Variants in RMST observed in about 807,000 individuals in gnomAD.
The protein encoded by RMST is long intergenic non-protein coding RNA 54.
At chr12:97,540,084 T>C (rs1277698082) in intron 11 of RMST, among the ~76,000 whole-genome samples, 1 of 151,728 alleles carries the variant, frequency 6.6e-6, no homozygotes, top group Non-Finnish European at 1.5e-5. Context: ...CTGCTTGGCG[T>C]ATCCTGATTT....
chr12:97,497,060 G>A (rs568236255), intron 10 of RMST, among the ~76,000 whole-genome samples: 7 of 152,158 alleles, frequency 4.6e-5, no homozygotes, highest in African/African-American at 1.2e-4. Flanking sequence ...TCTTTCCCTG[G>A]AGTCTGCACA....
intron 10 of RMST, among the ~76,000 whole-genome samples, chr12:97,499,038 G>A (rs1877774957): frequency 6.6e-6 from 1 of 152,142 alleles, no homozygotes; most frequent in Admixed American, 6.5e-5. Context: ...TGCCCGCTGG[G>A]GCTGTCTATG....
chr12:97,551,849 A>T (rs1160776678), intron 11 of RMST: 2 of 152,170 alleles, frequency 1.3e-5, no homozygotes, highest in Non-Finnish European at 2.9e-5. Context: ...TATGCTCTGG[A>T]GAGTCCTGTA....
At chr12:97,549,734 G>A (rs1051778464) in intron 11 of RMST, among the ~76,000 whole-genome samples, 2 of 152,268 alleles carry the variant, frequency 1.3e-5, no homozygotes, top group African/African-American at 4.8e-5. Context: ...TTTTTCCCCT[G>A]TTCCAATGTC....
intron 10 of RMST, among the ~76,000 whole-genome samples, chr12:97,526,188 C>T (rs1306695486): frequency 2.6e-5 from 4 of 152,040 alleles, no homozygotes; most frequent in Non-Finnish European, 5.9e-5. Context: ...AACCATCCCC[C>T]ACCCCACTTC....
chr12:97,540,214 G>T (rs1467119990), intron 11 of RMST, among the ~76,000 whole-genome samples: 1 of 151,494 alleles, frequency 6.6e-6, no homozygotes, highest in East Asian at 1.9e-4. Flanking sequence ...CACACAGTAG[G>T]GACACTTGAA....
chr12:97,546,514 G>T (rs1592781748), intron 11 of RMST, among the ~76,000 whole-genome samples: 1 of 150,568 alleles, frequency 6.6e-6, no homozygotes, highest in Non-Finnish European at 1.5e-5. Flanking sequence ...CCTGGAAGGT[G>T]GAGGTTGCAG....
Position 97,557,298 on chromosome 12 carries a change from G to C in RMST, n.1546-3239G>C, listed in dbSNP as rs1347200592. ...TCAGGTGCAGTAATTAAAGCTGTCTGTTTCTTGAGTGGAGTTGCAGTACAC... is the reference window on the plus strand; with the variant it reads ...TCAGGTGCAGTAATTAAAGCTGTCTCTTTCTTGAGTGGAGTTGCAGTACAC... On this transcript the variant is annotated intron_variant and non_coding_transcript_variant, in intron 11 of 13. Transcript: ENST00000640149. Among the ~76,000 whole-genome samples, 3 of 152,154 alleles carry C rather than the reference G, an allele frequency of 2.0e-5. No individual in the cohort carries two copies. The South Asian group carries it at 6.2e-4, about 32-fold the overall frequency.
intron 5 of RMST, among the ~76,000 whole-genome samples, chr12:97,476,767 T>C (rs1442317491): frequency 6.6e-6 from 1 of 152,172 alleles, no homozygotes. Flanking sequence ...AGCTATATAA[T>C]ACCTGCACTT....
intron 4 of RMST, chr12:97,464,920 A>T (rs1335575479): frequency 1.3e-5 from 2 of 152,214 alleles, no homozygotes; most frequent in Non-Finnish European, 2.9e-5. Context: ...ATGGTATGGA[A>T]CAAGGCAGCC....
At chr12:97,516,096 C>T (rs1169438948) in intron 10 of RMST, among the ~76,000 whole-genome samples, 5 of 151,986 alleles carry the variant, frequency 3.3e-5, no homozygotes, top group Non-Finnish European at 7.4e-5. Flanking sequence ...TATGATGAAT[C>T]TCCAGTTTTT....
intron 5 of RMST, among the ~76,000 whole-genome samples, chr12:97,486,265 C>G (rs972079836): frequency 6.6e-6 from 1 of 152,166 alleles, no homozygotes; most frequent in Non-Finnish European, 1.5e-5. Flanking sequence ...TCTGAATGGG[C>G]TTGATAATCA....
At chr12:97,498,276 T>C (rs1211783289) in intron 10 of RMST, among the ~76,000 whole-genome samples, 1 of 152,210 alleles carries the variant, frequency 6.6e-6, no homozygotes, top group Non-Finnish European at 1.5e-5. Context: ...ATGTGGGTGA[T>C]ATGATGAAAA....
intron 10 of RMST, among the ~76,000 whole-genome samples, chr12:97,504,011 T>C (rs1198353961): frequency 6.6e-6 from 1 of 152,166 alleles, no homozygotes; most frequent in Non-Finnish European, 1.5e-5. Context: ...GTGCAACCTC[T>C]GCCTCCTGGG....
At chr12:97,513,039 G>A (rs1879564253) in intron 10 of RMST, among the ~76,000 whole-genome samples, 5 of 152,220 alleles carry the variant, frequency 3.3e-5, no homozygotes, top group Admixed American at 6.5e-5. Context: ...CAACTGCGGG[G>A]TCCGCCGAGC....
At chr12:97,546,351 G>A (rs2136636548) in intron 11 of RMST, among the ~76,000 whole-genome samples, 1 of 152,294 alleles carries the variant, frequency 6.6e-6, no homozygotes, top group South Asian at 2.1e-4. Flanking sequence ...GGAGGCCAAA[G>A]TGGGTGGATC....
intron 10 of RMST, among the ~76,000 whole-genome samples, chr12:97,511,407 C>T (rs1306428810): frequency 1.3e-5 from 2 of 152,154 alleles, no homozygotes; most frequent in Non-Finnish European, 2.9e-5. Context: ...CCTCGGCCTC[C>T]CAAAGTGCAT....
At chr12:97,467,871 G>A (rs1873382376) in intron 5 of RMST, among the ~76,000 whole-genome samples, 1 of 152,032 alleles carries the variant, frequency 6.6e-6, no homozygotes. Context: ...AGTGCTAAAA[G>A]ATTTGAATTG....
intron 10 of RMST, among the ~76,000 whole-genome samples, chr12:97,518,938 TAA>T (rs567029246): frequency 1.4e-3 from 205 of 144,952 alleles, no homozygotes; most frequent in African/African-American, 4.6e-3. Context: ...TTCAGCTAAT[TAA>T]AAAAAAAAAA....
Sources: gnomAD v4.1 joint callset for allele counts (sites outside exome capture counted in the v4.1 genomes callset) on GRCh38, gnomAD v4.1.1 for gene constraint, MANE v1.5 for transcripts, NCBI Gene and HGNC (gene_info 2026-07-23, HGNC 2026-07-21) for gene names.